The following GGACT variants were observed in gnomAD, a reference collection of about 807,000 sequenced individuals.
The protein encoded by GGACT is gamma-glutamylaminecyclotransferase.
For missense variants in GGACT, 241 were observed against 233.2 expected, an observed-to-expected ratio of 1.03 and a Z score of -0.22; for synonymous variants, 118 against 115.3, an observed-to-expected ratio of 1.02 and a Z score of -0.15.
chr13:100,552,514 G>GGT (rs1397702032), intron 2 of GGACT, among the ~76,000 whole-genome samples: 1 of 152,166 alleles, frequency 6.6e-6, no homozygotes, highest in African/African-American at 2.4e-5. Context: ...ATGTCAAGAC[G>GGT]GTGACCTGTC....
intron 2 of GGACT, among the ~76,000 whole-genome samples, chr13:100,557,093 G>A (rs1161179252): frequency 6.6e-6 from 1 of 152,198 alleles, no homozygotes; most frequent in African/African-American, 2.4e-5. Context: ...GTTTTGCCAT[G>A]TTGGCCAGAC....
At chr13:100,547,031 G>C (rs1485178926) in intron 2 of GGACT, among the ~76,000 whole-genome samples, 25 of 152,188 alleles carry the variant, frequency 1.6e-4, no homozygotes, top group Admixed American at 1.6e-3. Context: ...GGGCCTTCAG[G>C]CTGTTGGGAA....
chr13:100,571,796 T>C (rs1200635387), intron 2 of GGACT, among the ~76,000 whole-genome samples: 1 of 152,220 alleles, frequency 6.6e-6, no homozygotes, highest in East Asian at 1.9e-4. Flanking sequence ...TATGTATATA[T>C]ACATTCTGGC....
intron 2 of GGACT, among the ~76,000 whole-genome samples, chr13:100,561,562 G>A (rs959552672): frequency 1.3e-5 from 2 of 152,206 alleles, no homozygotes; most frequent in Admixed American, 1.3e-4. Flanking sequence ...ATTAACACCA[G>A]GATGAGATTC....
chr13:100,542,394 G>A (rs1046918993), intron 2 of GGACT, among the ~76,000 whole-genome samples: 5 of 152,182 alleles, frequency 3.3e-5, no homozygotes, highest in Admixed American at 6.5e-5. Context: ...TCCAGTCCAC[G>A]AAAGTAAATC....
At chr13:100,582,723 C>T (rs1408974753) in intron 2 of GGACT, among the ~76,000 whole-genome samples, 1 of 152,200 alleles carries the variant, frequency 6.6e-6, no homozygotes, top group Admixed American at 6.5e-5. Flanking sequence ...CCTAGAGCCT[C>T]CAGACAGCTG....
At chr13:100,550,299 TACACACACACACACACACAC>T (rs755235689) in intron 2 of GGACT, among the ~76,000 whole-genome samples, 15 of 27,276 alleles carry the variant, frequency 5.5e-4, no homozygotes, top group African/African-American at 1.0e-3. Flanking sequence ...GATTATACTC[TACACACACACACACACACAC>T]ACACACACAC....
chr13:100,551,276 T>A (rs2088661658), intron 2 of GGACT, among the ~76,000 whole-genome samples: 2 of 151,510 alleles, frequency 1.3e-5, no homozygotes, highest in Non-Finnish European at 2.9e-5. Context: ...AGAGCGAGAC[T>A]CTGTCTCAAA....
At chr13:100,577,170 C>T (rs901692822) in intron 2 of GGACT, among the ~76,000 whole-genome samples, 1 of 152,130 alleles carries the variant, frequency 6.6e-6, no homozygotes, top group Non-Finnish European at 1.5e-5. Context: ...AATCCCAGCA[C>T]TTTGGGAGGC....
At chr13:100,553,507 C>T (rs2088684764) in intron 2 of GGACT, among the ~76,000 whole-genome samples, 1 of 152,136 alleles carries the variant, frequency 6.6e-6, no homozygotes, top group Admixed American at 6.5e-5. Context: ...CACCTGAGAG[C>T]GGCCAGACAA....
At chr13:100,553,843 C>A (rs995774571) in intron 2 of GGACT, among the ~76,000 whole-genome samples, 181 of 117,650 alleles carry the variant, frequency 1.5e-3, no homozygotes, top group South Asian at 2.4e-3. Context: ...GACTCCATCT[C>A]AAAAAAAAAA....
rs1389372742 is a variant in GGACT, at chr13:100,532,430, C to G, written c.162G>C (p.Leu54=). The G allele has an allele frequency of 7.7e-6, 12 of 1,549,864 alleles. No individual in the cohort carries two copies. The highest frequency in any genetic ancestry group is 4.1e-5 in the African/African-American group (3 of 73,054). Residue 54 remains leucine, a synonymous_variant, in exon 3 of 3, where the codon CTG becomes CTC. Transcript: ENST00000683975. ...IAGEHNIPWL[L]HLPGSGRLVE... ...CGAGGCGCCCCGAGCCGGGCAGGTGCAGCAGCCACGGGATGTTGTGCTCCC... is the reference window on the plus strand; with the variant it reads ...CGAGGCGCCCCGAGCCGGGCAGGTGGAGCAGCCACGGGATGTTGTGCTCCC...
At chr13:100,572,162 T>A (rs528621664) in intron 2 of GGACT, among the ~76,000 whole-genome samples, 1 of 152,216 alleles carries the variant, frequency 6.6e-6, no homozygotes, top group African/African-American at 2.4e-5. Context: ...GAGGAAGGAA[T>A]AAACAAAATG....
intron 2 of GGACT, among the ~76,000 whole-genome samples, chr13:100,575,450 G>A (rs1049561261): frequency 5.3e-5 from 8 of 152,070 alleles, no homozygotes; most frequent in Admixed American, 2.0e-4. Flanking sequence ...CACAAATTTC[G>A]ACTTGTTTTC....
At chr13:100,547,566 C>T (rs531880105) in intron 2 of GGACT, among the ~76,000 whole-genome samples, 2 of 152,316 alleles carry the variant, frequency 1.3e-5, no homozygotes, top group East Asian at 1.9e-4. Flanking sequence ...GCGTTCTTGT[C>T]GGAGCTCAGC....
At chr13:100,551,956 A>T (rs2088668504) in intron 2 of GGACT, among the ~76,000 whole-genome samples, 1 of 152,134 alleles carries the variant, frequency 6.6e-6, no homozygotes, top group African/African-American at 2.4e-5. Context: ...GAAGGAAAGG[A>T]GGTGCTGCCT....
chr13:100,548,890 C>G (rs1218900620), intron 2 of GGACT, among the ~76,000 whole-genome samples: 1 of 152,258 alleles, frequency 6.6e-6, no homozygotes, highest in Non-Finnish European at 1.5e-5. Context: ...GGGAGGCCAC[C>G]ACCCAACATT....
chr13:100,534,985 A>G lies in GGACT; in HGVS notation c.-10-2384T>C, dbSNP rs2088471107. The stretch of plus-strand genomic sequence containing the variant: ...CATCACTCTGTCTGGTTGTCGTTAT[A>G]GCACACGTGCTCTCTAAATCACTGG... On this transcript the variant is annotated intron_variant, in intron 2 of 2. Coordinates refer to ENST00000683975, the MANE Select transcript of GGACT (RefSeq NM_001195087.2). The surrounding 1 kb of genome is among the most constrained non-coding windows in gnomAD (Gnocchi z 4.9). Among the ~76,000 whole-genome samples, 1 of 152,216 alleles carries G rather than the reference A, an allele frequency of 6.6e-6. No homozygotes were observed. Among genetic ancestry groups the G allele is most frequent in the Non-Finnish European group, 1.5e-5 (1 of 68,034 alleles).
intron 2 of GGACT, among the ~76,000 whole-genome samples, chr13:100,581,249 T>A (rs1875408423): frequency 6.6e-6 from 1 of 152,138 alleles, no homozygotes; most frequent in African/African-American, 2.4e-5. Flanking sequence ...TCTAACACCA[T>A]CTCCAACAGA....
Sources: allele counts gnomAD v4.1 joint callset (sites outside exome capture counted in the v4.1 genomes callset), GRCh38; gene constraint gnomAD v4.1.1; non-coding constraint Gnocchi (gnomAD v3.1); transcripts MANE v1.5; gene names NCBI Gene and HGNC (gene_info 2026-07-23, HGNC 2026-07-21).